The following CCDC15 variants were observed in gnomAD, a reference collection of about 807,000 sequenced individuals.
CCDC15 encodes coiled-coil domain-containing protein 15.
In CCDC15, 105 loss-of-function variants were observed where a neutral mutation model predicts 114.5. That is an observed-to-expected ratio of 0.92 (90% CI 0.78 to 1.08). The LOEUF (loss-of-function observed/expected upper bound fraction) is 1.08, where lower values mean the gene tolerates loss of function less well. CCDC15 is among the 50% of genes least tolerant of loss of function. The pLI, the probability that CCDC15 is intolerant of heterozygous loss-of-function variation, is 0.00. For missense variants in CCDC15, 1,105 were observed against 1,093.6 expected, an observed-to-expected ratio of 1.01 and a Z score of -0.15; for synonymous variants, 334 against 377.8, an observed-to-expected ratio of 0.88 and a Z score of 1.34.
chr11:124,989,172 G>A (rs1339421830), intron 8 of CCDC15, among the ~76,000 whole-genome samples: 2 of 152,170 alleles, frequency 1.3e-5, no homozygotes, highest in African/African-American at 4.8e-5. Flanking sequence ...CTACAGAATG[G>A]ATGTTGTGTT....
chr11:125,011,239 A>ATTTTTTTTTTTTTTTTTT (rs1398467750), intron 13 of CCDC15, among the ~76,000 whole-genome samples: 1 of 135,138 alleles, frequency 7.4e-6, no homozygotes, highest in African/African-American at 2.9e-5. Flanking sequence ...TATTATTATT[A>ATTTTTTTTTTTTTTTTTT]TTATTATTAT....
rs986082992 is a variant in CCDC15 at position 124,991,705 on chromosome 11, A to T, written c.2031+122A>T. ...CTAAGAATATAGTGGCTTTTTTCTG[A>T]TGGAGTCTTTCTCTGTCGCCCAGGC... On this transcript the variant is annotated intron_variant, in intron 9 of 15. Coordinates refer to ENST00000344762, the MANE Select transcript of CCDC15 (RefSeq NM_025004.3). 1.8e-5 allele frequency: 16 copies of T among 872,832 alleles called. No individual in the cohort carries two copies. In the African/African-American group the frequency reaches 2.5e-4, roughly 14 times the overall value. The allele number at this position is 872,832 out of a possible 1,614,324, so 54.1% of individuals were successfully genotyped here. A position where few individuals can be genotyped will look rare whatever the true frequency, so the allele number is the denominator to read the frequency against.
chr11:124,972,735 G>T (rs1057282526), intron 4 of CCDC15, among the ~76,000 whole-genome samples: 9 of 152,126 alleles, frequency 5.9e-5, no homozygotes, highest in African/African-American at 2.2e-4. Context: ...TTTGTTTCTT[G>T]ACATTTCCAG....
intron 11 of CCDC15, among the ~76,000 whole-genome samples, chr11:124,999,199 T>A (rs1317872412): frequency 6.6e-6 from 1 of 152,186 alleles, no homozygotes; most frequent in Admixed American, 6.5e-5. Context: ...AAACTCTTGT[T>A]ATTTTTTGGT....
chr11:124,991,777 G>A (rs1186501194), intron 9 of CCDC15, among the ~76,000 whole-genome samples, 194 bp downstream of exon 9: 5 of 152,126 alleles, frequency 3.3e-5, no homozygotes, highest in African/African-American at 1.2e-4. Context: ...TCTGCCTCCT[G>A]GGTTCAAACG....
At chr11:124,994,691 G>A (rs1490979313) in intron 11 of CCDC15, among the ~76,000 whole-genome samples, 1 of 152,016 alleles carries the variant, frequency 6.6e-6, no homozygotes, top group Non-Finnish European at 1.5e-5. Context: ...GGTTTGGGCT[G>A]GAGCTTGTTA....
At position 124,988,074 on chromosome 11, in the gene CCDC15, C is replaced by T. The variant is rs770396707; in HGVS notation, c.1848C>T (p.Leu616=). The T allele has an allele frequency of 6.2e-7, 1 of 1,613,924 alleles. No individual in the cohort carries two copies. The highest frequency in any genetic ancestry group is 8.5e-7 in the Non-Finnish European group (1 of 1,179,874). The change falls in exon 8 of 16, where the codon CTC becomes CTT. Residue 616 remains leucine, a synonymous_variant. Transcript: ENST00000344762. The part of the protein sequence containing the change: ...RDFLPRDLHV[L]SNDQNILPKC... ...TTCTACCCAGAGACCTGCATGTTCT[C>T]TCCAACGACCAGAATATTCTACCCA...
intron 2 of CCDC15, among the ~76,000 whole-genome samples, chr11:124,957,021 A>G (rs892310701): frequency 1.3e-5 from 2 of 152,174 alleles, no homozygotes; most frequent in Non-Finnish European, 2.9e-5. Context: ...ATCAAAAGAC[A>G]CTGCTGTTCT....
chr11:125,008,335 T>C (rs1948566019), intron 13 of CCDC15, among the ~76,000 whole-genome samples: 1 of 152,232 alleles, frequency 6.6e-6, no homozygotes, highest in Admixed American at 6.5e-5. Context: ...CGTTCATTGC[T>C]GGTATATCGG....
rs71478462 is a variant in CCDC15 at position 125,011,248 on chromosome 11, A to ATTTTTTTTTT, written c.2411+6042_2411+6043insTTTTTTTTTT. Among the ~76,000 whole-genome samples, 574 of 147,216 alleles carry ATTTTTTTTTT rather than the reference A, an allele frequency of 3.9e-3. 7 individuals are homozygous for ATTTTTTTTTT. Among genetic ancestry groups the ATTTTTTTTTT allele is most frequent in the African/African-American group, 0.013 (534 of 39,952 alleles). Reference sequence around the variant, plus strand: ...TATTATTATTATTATTATTATTATTATTTTTTAAGATGGAGTTTCACTCTT... The same window carrying ATTTTTTTTTT: ...TATTATTATTATTATTATTATTATTATTTTTTTTTTTTTTTTAAGATGGAGTTTCACTCTT... On this transcript the variant is annotated intron_variant, in intron 13 of 15. Transcript: ENST00000344762.
chr11:124,998,221 A>G (rs1165601763), intron 11 of CCDC15, among the ~76,000 whole-genome samples: 7 of 152,198 alleles, frequency 4.6e-5, no homozygotes, highest in Admixed American at 4.6e-4. Flanking sequence ...TGTGGACTAG[A>G]AATTATTCAG....
chr11:125,014,515 G>A (rs1948615671), intron 13 of CCDC15, among the ~76,000 whole-genome samples: 1 of 152,086 alleles, frequency 6.6e-6, no homozygotes, highest in South Asian at 2.1e-4. Flanking sequence ...AGGAAGAGAT[G>A]GAGAAAATGG....
chr11:125,025,096 G>T (rs61912669), intron 13 of CCDC15, among the ~76,000 whole-genome samples: 1 of 126,688 alleles, frequency 7.9e-6, no homozygotes, highest in Non-Finnish European at 1.6e-5. Context: ...ATATATATAT[G>T]AATATATATG....
chr11:124,987,890 C>A lies in CCDC15; in HGVS notation c.1664C>A (p.Pro555His). ...HVLPKDWNIL[P>H]KCQDQDFLPR... ...CTCCCCAAAGACTGGAATATTCTAC[C>A]CAAATGTCAGGACCAGGATTTTCTA... Residue 555 changes from proline (P) to histidine (H), a missense_variant, in exon 8 of 16, where the codon CCC becomes CAC. Pro to His is a moderately conservative substitution (Grantham distance 77). Transcript: ENST00000344762. 6.2e-7 allele frequency: 1 copy of A among 1,613,700 alleles called. No individual in the cohort carries two copies. Among genetic ancestry groups the A allele is most frequent in the Non-Finnish European group, 8.5e-7 (1 of 1,179,822 alleles).
At chr11:124,978,269 G>T (rs952034378) in intron 6 of CCDC15, among the ~76,000 whole-genome samples, 1 of 152,096 alleles carries the variant, frequency 6.6e-6, no homozygotes, top group Non-Finnish European at 1.5e-5. Context: ...CTGTTGATGG[G>T]CATTTAGGTT....
Position 125,039,030 on chromosome 11 carries a change from A to G in CCDC15, c.2695A>G (p.Thr899Ala). The G allele has an allele frequency of 6.2e-7, 1 of 1,608,298 alleles. No homozygotes were observed. The highest frequency in any genetic ancestry group is 1.1e-5 in the South Asian group (1 of 90,408). The change falls in exon 15 of 16, where the codon ACC becomes GCC. Residue 899 changes from threonine to alanine, a missense_variant. Coordinates refer to ENST00000344762, the MANE Select transcript of CCDC15 (RefSeq NM_025004.3). ...TGATTTTTGGGATGCTCATCCTGAT[A>G]CCTGTGCCAACAACTGTATTTTCTA... ...GPDFWDAHPDTCANNCIFYKN... is the reference protein window; with the variant it reads ...GPDFWDAHPDACANNCIFYKN...
chr11:124,962,724 G>T (rs1278218421), intron 4 of CCDC15, among the ~76,000 whole-genome samples: 1 of 151,160 alleles, frequency 6.6e-6, no homozygotes, highest in Non-Finnish European at 1.5e-5. Context: ...ATGTATACAT[G>T]TGCCATGTTG....
chr11:125,000,947 C>T lies in CCDC15; in HGVS notation c.2215-2920C>T, dbSNP rs377377787. Among the ~76,000 whole-genome samples the T allele has an allele frequency of 1.4e-4, 21 of 152,170 alleles. No homozygotes were observed. In the East Asian group the frequency reaches 3.5e-3, roughly 25 times the overall value. On this transcript the variant is annotated intron_variant, in intron 11 of 15. Coordinates refer to ENST00000344762, the MANE Select transcript of CCDC15 (RefSeq NM_025004.3). ...ATTTTATATATATTTCTCTTTAAAA[C>T]ACCTTATTTAATATATATGATTGAT...
intron 4 of CCDC15, among the ~76,000 whole-genome samples, chr11:124,972,001 A>G (rs1947891362): frequency 6.6e-6 from 1 of 152,184 alleles, no homozygotes; most frequent in Non-Finnish European, 1.5e-5. Flanking sequence ...TTAGATCTAT[A>G]TTAAACATTT....
Sources: gnomAD v4.1 joint callset for allele counts (sites outside exome capture counted in the v4.1 genomes callset) on GRCh38, gnomAD v4.1.1 for gene constraint, MANE v1.5 for transcripts, NCBI Gene and HGNC (gene_info 2026-07-23, HGNC 2026-07-21) for gene names.